Variants in SOX6 observed in about 807,000 individuals in gnomAD.
SOX6 encodes transcription factor SOX-6.
A neutral mutation model predicts 97.8 loss-of-function variants in SOX6; 11 were observed. That is an observed-to-expected ratio of 0.11 (90% CI 0.07 to 0.19). The LOEUF (loss-of-function observed/expected upper bound fraction) is 0.19, where lower values mean the gene tolerates loss of function less well. SOX6 is among the 10% of genes least tolerant of loss of function. The pLI is 1.00. For synonymous variants in SOX6, 360 were observed against 371.4 expected (o/e 0.97, Z 0.35); for missense variants, 810 against 1,039.5 (o/e 0.78, Z 3.04).
chr11:16,689,816 A>T (rs1028894522), intron 3 of SOX6, among the ~76,000 whole-genome samples: 1 of 152,038 alleles, frequency 6.6e-6, no homozygotes, highest in Admixed American at 6.6e-5. Flanking sequence ...AATTTTAGAG[A>T]GGTCATCATT....
At chr11:16,511,942 A>G (rs1860885110) in intron 4 of SOX6, among the ~76,000 whole-genome samples, 1 of 152,220 alleles carries the variant, frequency 6.6e-6, no homozygotes, top group South Asian at 2.1e-4. Context: ...TACAGTCATC[A>G]GAATTCATTC....
rs978811040 is a variant in SOX6 at position 16,238,369 on chromosome 11, A to G, written c.446-3698T>C. Among the ~76,000 whole-genome samples, 4 of 152,116 alleles carry G rather than the reference A, an allele frequency of 2.6e-5. No individual in the cohort carries two copies. The East Asian group carries it at 7.7e-4, about 29-fold the overall frequency. On this transcript the variant is annotated intron_variant, in intron 3 of 15. Coordinates refer to ENST00000683767, the MANE Select transcript of SOX6 (RefSeq NM_001367873.1). ...TAAAATATCATGCATAATAAATTACAAAGCAATGTTTCTGCTTCCTAAGTA... is the reference window on the plus strand; with the variant it reads ...TAAAATATCATGCATAATAAATTACGAAGCAATGTTTCTGCTTCCTAAGTA...
chr11:16,055,652 CTA>C, intron 10 of SOX6, 98 bp downstream of exon 10: 1 of 1,461,316 alleles, frequency 6.8e-7, no homozygotes, highest in Non-Finnish European at 9.5e-7. Context: ...CTTTATGTTG[CTA>C]TGTTTCCTGC....
At chr11:16,487,096 T>C (rs1860448055) in intron 4 of SOX6, among the ~76,000 whole-genome samples, 1 of 152,000 alleles carries the variant, frequency 6.6e-6, no homozygotes, top group Non-Finnish European at 1.5e-5. Context: ...CAAAAACTTG[T>C]ATGGAAAAAT....
chr11:16,664,659 T>A (rs1184572662), intron 3 of SOX6, among the ~76,000 whole-genome samples: 1 of 152,056 alleles, frequency 6.6e-6, no homozygotes, highest in African/African-American at 2.4e-5. Flanking sequence ...GGTGCTGTAC[T>A]GGACTCGGAG....
At chr11:16,371,841 C>G (rs150889943) in intron 1 of SOX6, among the ~76,000 whole-genome samples, 4 of 152,022 alleles carry the variant, frequency 2.6e-5, no homozygotes, top group Admixed American at 6.6e-5. Context: ...GGCATCATAT[C>G]GGCACTCAAA....
chr11:16,717,517 G>A (rs1212946281), intron 2 of SOX6, among the ~76,000 whole-genome samples: 7 of 152,018 alleles, frequency 4.6e-5, no homozygotes, highest in African/African-American at 1.7e-4. Flanking sequence ...ATAAAACAAG[G>A]AAGGAAAATC....
chr11:16,468,919 T>C (rs1006335449), intron 1 of SOX6, among the ~76,000 whole-genome samples: 2 of 152,294 alleles, frequency 1.3e-5, no homozygotes, highest in Admixed American at 6.5e-5. Context: ...ACCAACTTAT[T>C]TTGAAATTTT....
intron 3 of SOX6, among the ~76,000 whole-genome samples, chr11:16,244,051 A>G (rs567574478): frequency 1.3e-5 from 2 of 152,000 alleles, no homozygotes; most frequent in East Asian, 3.9e-4. Flanking sequence ...TTCCTGTAAA[A>G]TTGGGGAGCT....
At chr11:16,641,654 T>G (rs1379015767) in intron 3 of SOX6, among the ~76,000 whole-genome samples, 3 of 152,254 alleles carry the variant, frequency 2.0e-5, no homozygotes, top group Admixed American at 6.5e-5. Context: ...CCTTTACCAT[T>G]ATGTAATGGC....
At chr11:16,565,874 A>G (rs1167614582) in intron 4 of SOX6, among the ~76,000 whole-genome samples, 1 of 152,172 alleles carries the variant, frequency 6.6e-6, no homozygotes, top group Non-Finnish European at 1.5e-5. Flanking sequence ...AGGTGGGCAG[A>G]TCATGAGGTC....
At chr11:16,112,967 AG>A (rs1303362548) in intron 6 of SOX6, among the ~76,000 whole-genome samples, 1 of 152,178 alleles carries the variant, frequency 6.6e-6, no homozygotes, top group Non-Finnish European at 1.5e-5. Flanking sequence ...CTGGTATAAA[AG>A]GGCTATATTA....
chr11:16,452,299 C>T (rs1034315240), intron 1 of SOX6, among the ~76,000 whole-genome samples: 1 of 152,056 alleles, frequency 6.6e-6, no homozygotes, highest in Non-Finnish European at 1.5e-5. Context: ...GGGAGGCAGC[C>T]TTTGTTCTTT....
intron 1 of SOX6, among the ~76,000 whole-genome samples, chr11:16,343,783 A>C (rs1240403594): frequency 6.6e-6 from 1 of 151,970 alleles, no homozygotes; most frequent in African/African-American, 2.4e-5. Flanking sequence ...CTTCATCAAC[A>C]GTCTTCTGGT....
At chr11:16,038,574 C>T (rs997786394) in intron 12 of SOX6, among the ~76,000 whole-genome samples, 1 of 152,036 alleles carries the variant, frequency 6.6e-6, no homozygotes, top group Non-Finnish European at 1.5e-5. Flanking sequence ...TCATTTAATT[C>T]TCAAATCCTG....
intron 4 of SOX6, among the ~76,000 whole-genome samples, chr11:16,526,341 G>A (rs1400902185): frequency 6.6e-6 from 1 of 152,018 alleles, no homozygotes; most frequent in Non-Finnish European, 1.5e-5. Context: ...TAGGGACATG[G>A]ATGAAATTGG....
At chr11:16,529,752 A>T (rs1163325089) in intron 4 of SOX6, among the ~76,000 whole-genome samples, 1 of 152,080 alleles carries the variant, frequency 6.6e-6, no homozygotes, top group Non-Finnish European at 1.5e-5. Flanking sequence ...GTTCATTCTC[A>T]GGTATCAGTG....
At chr11:16,696,036 C>T (rs909726412) in intron 3 of SOX6, among the ~76,000 whole-genome samples, 3 of 152,116 alleles carry the variant, frequency 2.0e-5, no homozygotes, top group Non-Finnish European at 4.4e-5. Flanking sequence ...AATAAACAAA[C>T]AAACAAACAG....
intron 2 of SOX6, among the ~76,000 whole-genome samples, chr11:16,321,179 C>T (rs549936669): frequency 1.3e-5 from 2 of 148,222 alleles, no homozygotes; most frequent in African/African-American, 5.0e-5. Context: ...CTGACCAAGG[C>T]TTTTATGAAT....
Sources: gnomAD v4.1 joint callset for allele counts (sites outside exome capture counted in the v4.1 genomes callset) on GRCh38, gnomAD v4.1.1 for gene constraint, MANE v1.5 for transcripts, NCBI Gene and HGNC (gene_info 2026-07-23, HGNC 2026-07-21) for gene names.